The following RBFOX1 variants were observed in gnomAD, a reference collection of about 807,000 sequenced individuals.
RBFOX1 encodes RNA binding fox-1 homolog 1, also known as RNA binding protein fox-1 homolog 1.
In RBFOX1, 8 loss-of-function variants were observed where a neutral mutation model predicts 57.7. The ratio of observed to expected loss-of-function variants is 0.14; its 90% CI spans 0.08 to 0.25. The LOEUF is 0.25. RBFOX1 is among the 10% of genes least tolerant of loss of function. The probability of loss-of-function intolerance (pLI) is 1.00; values close to 1 mark genes in which losing one functional copy is unlikely to be tolerated. For synonymous variants in RBFOX1, 326 were observed against 222.4 expected, an observed-to-expected ratio of 1.47 and a Z score of -4.15; for missense variants, 611 against 548.5, an observed-to-expected ratio of 1.11 and a Z score of -1.14.
At chr16:6,915,248 G>T (rs35654864) in intron 3 of RBFOX1, among the ~76,000 whole-genome samples, 1 of 151,980 alleles carries the variant, frequency 6.6e-6, no homozygotes, top group African/African-American at 2.4e-5. Flanking sequence ...GTGGTCCTCA[G>T]CATTTCTACT....
At chr16:5,490,283 C>A (rs1440973970) in intron 2 of RBFOX1, among the ~76,000 whole-genome samples, 1 of 152,224 alleles carries the variant, frequency 6.6e-6, no homozygotes, top group South Asian at 2.1e-4. Flanking sequence ...ATACATGCTT[C>A]ATTTCATTAA....
At chr16:6,869,663 C>T (rs748758118) in intron 3 of RBFOX1, among the ~76,000 whole-genome samples, 1 of 152,120 alleles carries the variant, frequency 6.6e-6, no homozygotes, top group African/African-American at 2.4e-5. Context: ...AGGATTTTTA[C>T]CCTTCTCAAA....
intron 3 of RBFOX1, among the ~76,000 whole-genome samples, chr16:5,775,205 A>G (rs2054106354): frequency 6.6e-6 from 1 of 152,132 alleles, no homozygotes; most frequent in African/African-American, 2.4e-5. Context: ...CTAACGGGGG[A>G]CATAGGATCC....
chr16:7,085,863 C>T (rs1359111575), intron 4 of RBFOX1, among the ~76,000 whole-genome samples: 2 of 152,152 alleles, frequency 1.3e-5, no homozygotes, highest in Non-Finnish European at 2.9e-5. Flanking sequence ...TCCTGCATCC[C>T]AGGAAACCGT....
At chr16:6,496,931 G>A (rs1247695569) in intron 2 of RBFOX1, among the ~76,000 whole-genome samples, 1 of 152,106 alleles carries the variant, frequency 6.6e-6, no homozygotes, top group Non-Finnish European at 1.5e-5. Flanking sequence ...TTGCACTCCA[G>A]CCTGGGCAAC....
At chr16:7,129,519 C>T (rs1467229916) in intron 4 of RBFOX1, among the ~76,000 whole-genome samples, 2 of 152,056 alleles carry the variant, frequency 1.3e-5, no homozygotes, top group Non-Finnish European at 2.9e-5. Flanking sequence ...TAAGACCTTG[C>T]CATGATACTC....
intron 5 of RBFOX1, among the ~76,000 whole-genome samples, chr16:7,567,419 C>G (rs1359779131): frequency 7.9e-6 from 1 of 126,984 alleles, no homozygotes; most frequent in African/African-American, 3.1e-5. Context: ...ATATATATAT[C>G]CCTATGTATG....
At chr16:5,642,872 T>C (rs2151334569) in intron 3 of RBFOX1, among the ~76,000 whole-genome samples, 1 of 151,956 alleles carries the variant, frequency 6.6e-6, no homozygotes. Flanking sequence ...GCCCCTAGAG[T>C]GAGGGGGTCT....
chr16:7,491,572 C>A (rs961027795), intron 4 of RBFOX1, among the ~76,000 whole-genome samples: 2 of 151,710 alleles, frequency 1.3e-5, no homozygotes, highest in African/African-American at 4.8e-5. Context: ...TGAATTAGTT[C>A]TGTCTCTCTC....
chr16:5,246,754 T>G (rs1446547646), intron 1 of RBFOX1, among the ~76,000 whole-genome samples: 1 of 152,048 alleles, frequency 6.6e-6, no homozygotes, highest in Non-Finnish European at 1.5e-5. Flanking sequence ...GACTGCAGCC[T>G]TGGCCTCCCA....
chr16:6,771,849 G>A (rs1290623753), intron 3 of RBFOX1, among the ~76,000 whole-genome samples: 1 of 152,160 alleles, frequency 6.6e-6, no homozygotes, highest in African/African-American at 2.4e-5. Context: ...GGCAGAAGAT[G>A]CATTACTGTC....
chr16:6,950,018 C>T (rs1486926417), intron 3 of RBFOX1, among the ~76,000 whole-genome samples: 1 of 151,426 alleles, frequency 6.6e-6, no homozygotes, highest in Non-Finnish European at 1.5e-5. Flanking sequence ...GTGTTCTCGG[C>T]TCGCTGCAAC....
intron 2 of RBFOX1, among the ~76,000 whole-genome samples, chr16:6,390,531 C>T (rs376342405): frequency 1.3e-5 from 2 of 150,170 alleles, no homozygotes; most frequent in East Asian, 2.0e-4. Context: ...CCTTTTGCAA[C>T]TTATAATTTA....
rs1489890675 is a variant in RBFOX1 at position 6,113,780 on chromosome 16, T to G, written c.-127+93788T>G. 2.0e-5 allele frequency among the ~76,000 whole-genome samples: 3 copies of G among 152,220 alleles called. No homozygotes were observed. In the East Asian group the frequency reaches 5.8e-4, roughly 29 times the overall value. On this transcript the variant is annotated intron_variant, in intron 1 of 15. Transcript: ENST00000550418. Reference sequence around the variant, plus strand: ...ACATACACTCTAGAAATGTTTGTTGTCTTGAATTGATTTGAAGGCGTCAGA... The same window carrying G: ...ACATACACTCTAGAAATGTTTGTTGGCTTGAATTGATTTGAAGGCGTCAGA...
intron 4 of RBFOX1, among the ~76,000 whole-genome samples, chr16:5,959,066 G>A (rs2059700782): frequency 6.6e-6 from 1 of 152,202 alleles, no homozygotes; most frequent in South Asian, 2.1e-4. Context: ...GGTAAAACTT[G>A]CAGCAGTGCC....
At chr16:6,030,419 A>G (rs2095271622) in intron 1 of RBFOX1, among the ~76,000 whole-genome samples, 1 of 152,200 alleles carries the variant, frequency 6.6e-6, no homozygotes, top group East Asian at 1.9e-4. Context: ...TCACAGTAGT[A>G]AATAGAATTT....
intron 5 of RBFOX1, among the ~76,000 whole-genome samples, chr16:7,573,757 C>T (rs1162201858): frequency 6.6e-6 from 1 of 151,914 alleles, no homozygotes; most frequent in Non-Finnish European, 1.5e-5. Context: ...ATTGCTTGAA[C>T]CCGGGAGGCA....
chr16:5,933,054 C>T (rs1369335444), intron 4 of RBFOX1, among the ~76,000 whole-genome samples: 2 of 152,194 alleles, frequency 1.3e-5, no homozygotes, highest in Non-Finnish European at 2.9e-5. Context: ...GCTGCAGCAG[C>T]CTTAGGTGGG....
chr16:6,324,588 C>G (rs975138760), intron 2 of RBFOX1, among the ~76,000 whole-genome samples: 1 of 152,150 alleles, frequency 6.6e-6, no homozygotes, highest in Non-Finnish European at 1.5e-5. Context: ...ACAACTCATT[C>G]ATTGCTGCAA....
Sources: gnomAD v4.1 joint callset for allele counts (sites outside exome capture counted in the v4.1 genomes callset) on GRCh38, gnomAD v4.1.1 for gene constraint, MANE v1.5 for transcripts, NCBI Gene and HGNC (gene_info 2026-07-23, HGNC 2026-07-21) for gene names.